Variants in SSH1 observed in about 807,000 individuals in gnomAD.
The protein encoded by SSH1 is protein phosphatase Slingshot homolog 1.
In SSH1, 43 loss-of-function variants were observed where a neutral mutation model predicts 79.7. That is an observed-to-expected ratio of 0.54 (90% CI 0.42 to 0.70). The LOEUF is 0.70. Ranked by LOEUF, SSH1 falls within the 30% of genes least tolerant of loss-of-function variation. SSH1 has a pLI of 0.00. For synonymous variants in SSH1, 599 were observed against 538.3 expected (o/e 1.11, Z -1.56); for missense variants, 1,206 against 1,358.8 (o/e 0.89, Z 1.77).
intron 2 of SSH1, among the ~76,000 whole-genome samples, chr12:108,826,958 G>A (rs894134607): frequency 6.6e-6 from 1 of 151,800 alleles, no homozygotes; most frequent in African/African-American, 2.4e-5. Flanking sequence ...CAGACAAAAC[G>A]GAAATGTCTT....
At position 108,807,953 on chromosome 12, in the gene SSH1, T is replaced by G. The variant is rs2037369861; in HGVS notation, c.537-126A>C. The stretch of plus-strand genomic sequence containing the variant: ...GATTGATTGGTTGATTATTTCTTTT[T>G]GGGACAGAGTCTCGCTCTGTCACTC... On this transcript the variant is annotated intron_variant, in intron 7 of 14. Transcript: ENST00000326495. The surrounding 1 kb of genome is among the most constrained non-coding windows in gnomAD (Gnocchi z 5.2). The G allele has an allele frequency of 1.1e-6, 1 of 880,028 alleles. No individual in the cohort carries two copies. The highest frequency in any genetic ancestry group is 1.6e-5 in the African/African-American group (1 of 60,758). The allele number at this position is 880,028 out of a possible 1,614,324, so 54.5% of individuals were successfully genotyped here.
chr12:108,788,842 G>A lies in SSH1; in HGVS notation c.2296C>T (p.Pro766Ser), dbSNP rs1374586925. The A allele has an allele frequency of 1.2e-6, 2 of 1,614,078 alleles. No individual in the cohort carries two copies. Among genetic ancestry groups the A allele is most frequent in the East Asian group, 4.5e-5 (2 of 44,896 alleles). ...TTTATTACCACTTCTGTGCTGGGAG[G>A]GTTCTTATCACAGTGAGAATTCTTC... ...LLKNSHCDKN[P>S]PSTEVVIKEE... The change falls in exon 15 of 15, where the codon CCT becomes TCT. Residue 766 changes from proline to serine, a missense_variant. Transcript: ENST00000326495.
Position 108,792,293 on chromosome 12 carries a change from C to T in SSH1, c.1886G>A (p.Gly629Asp). 2 of 1,614,138 alleles carry T rather than the reference C, an allele frequency of 1.2e-6. No homozygotes were observed. The highest frequency in any genetic ancestry group is 1.7e-6 in the Non-Finnish European group (2 of 1,180,004). Residue 629 changes from glycine (G) to aspartate (D), a missense_variant, in exon 14 of 15, where the codon GGC becomes GAC. Gly to Asp is a moderately conservative substitution (Grantham distance 94). Around this residue, in one of 5 missense-constraint regions of SSH1, gnomAD observed 709 missense variants for 730.6 expected, o/e 0.97. Coordinates refer to ENST00000326495, the MANE Select transcript of SSH1 (RefSeq NM_018984.4). The stretch of plus-strand genomic sequence containing the variant: ...AGGCCGGGCTCTGCCTACCTCCATG[C>T]CGTTGGGACAGCTCCTCTTGCTGTT... ...NNNSKRSCPN[G>D]MEDDAIFGIL...
chr12:108,800,107 C>T (rs1324982140), intron 12 of SSH1, among the ~76,000 whole-genome samples: 1 of 152,204 alleles, frequency 6.6e-6, no homozygotes. Flanking sequence ...AAGGACACAT[C>T]ATGTGGCTTT....
At chr12:108,849,051 C>T (rs577233724) in intron 2 of SSH1, among the ~76,000 whole-genome samples, 1 of 152,274 alleles carries the variant, frequency 6.6e-6, no homozygotes, top group Non-Finnish European at 1.5e-5. Context: ...CCCAGAAAGG[C>T]GGCAGAGTAG....
At chr12:108,834,891 G>T (rs539079134) in intron 2 of SSH1, among the ~76,000 whole-genome samples, 28 of 152,326 alleles carry the variant, frequency 1.8e-4, no homozygotes, top group African/African-American at 6.0e-4. Context: ...CTTCTCTGAA[G>T]TCAGTATTCC....
intron 2 of SSH1, among the ~76,000 whole-genome samples, chr12:108,829,536 G>T (rs1438314528): frequency 6.6e-6 from 1 of 152,172 alleles, no homozygotes; most frequent in African/African-American, 2.4e-5. Flanking sequence ...GCTCTGATAA[G>T]GGCAAAGACA....
At chr12:108,840,088 T>C (rs2038739114) in intron 2 of SSH1, among the ~76,000 whole-genome samples, 2 of 152,178 alleles carry the variant, frequency 1.3e-5, no homozygotes, top group Non-Finnish European at 2.9e-5. Flanking sequence ...GGCAGTCTCT[T>C]GTATCTCACT....
At chr12:108,795,987 G>A (rs1027851038) in intron 13 of SSH1, among the ~76,000 whole-genome samples, 5 of 151,952 alleles carry the variant, frequency 3.3e-5, no homozygotes, top group African/African-American at 7.3e-5. Context: ...GGCTCACTGC[G>A]GTCTTGAACT....
At chr12:108,798,321 C>T (rs1345014885) in intron 13 of SSH1, among the ~76,000 whole-genome samples, 2 of 152,236 alleles carry the variant, frequency 1.3e-5, no homozygotes, top group Non-Finnish European at 2.9e-5. Context: ...GGCCACCACA[C>T]CTGACCTCAG....
At position 108,840,589 on chromosome 12, in the gene SSH1, A is replaced by T. The variant is rs377546917; in HGVS notation, c.110+12049T>A. ...CTGGATTTTGATTAATCCTATTTTG[A>T]TTAATCCTGGTTTCTCATTTTCAGC... is the stretch of plus-strand genomic sequence containing the variant. On this transcript the variant is annotated intron_variant, in intron 2 of 14. Transcript: ENST00000326495. Among the ~76,000 whole-genome samples, 15 of 152,184 alleles carry T rather than the reference A, an allele frequency of 9.9e-5. No individual in the cohort carries two copies. The South Asian group carries it at 2.5e-3, about 25-fold the overall frequency.
intron 3 of SSH1, 21 bp from the exon 4 acceptor site, chr12:108,818,334 G>C: frequency 6.2e-7 from 1 of 1,610,618 alleles, no homozygotes; most frequent in Non-Finnish European, 8.5e-7. Flanking sequence ...AATAAAGAAA[G>C]CTTTAAAAGG....
intron 2 of SSH1, among the ~76,000 whole-genome samples, chr12:108,836,470 G>C (rs1566013330): frequency 6.6e-6 from 1 of 152,184 alleles, no homozygotes; most frequent in African/African-American, 2.4e-5. Context: ...AGCACTTAAA[G>C]AATGATGTGG....
intron 2 of SSH1, chr12:108,833,966 T>C (rs1320099860): frequency 6.6e-6 from 1 of 152,196 alleles, no homozygotes; most frequent in African/African-American, 2.4e-5. Flanking sequence ...TGACATTCTT[T>C]CCCAGCCCCA....
intron 2 of SSH1, chr12:108,836,891 T>C (rs776344594): frequency 2.6e-5 from 14 of 533,420 alleles, no homozygotes; most frequent in Non-Finnish European, 2.7e-5. Flanking sequence ...TCAGACACAC[T>C]CACACTGAGG....
In SSH1 at chr12:108,807,892, G is replaced by A; in HGVS notation, c.537-65C>T. ...CAAGAGATGCAGGGTTTTCTCCTCT[G>A]ACAAAGGGGTTCAAATACGGGAAGG... On this transcript the variant is annotated intron_variant, in intron 7 of 14. Coordinates refer to ENST00000326495, the MANE Select transcript of SSH1 (RefSeq NM_018984.4). This position sits in a 1 kb window ranked among gnomAD's most constrained non-coding sequence, Gnocchi z 5.2. 6.9e-7 allele frequency: 1 copy of A among 1,459,034 alleles called. No individual in the cohort carries two copies. The highest frequency in any genetic ancestry group is 9.6e-7 in the Non-Finnish European group (1 of 1,045,004). The allele number at this position is 1,459,034 out of a possible 1,614,324, so 90.4% of individuals were successfully genotyped here. A position where few individuals can be genotyped will look rare whatever the true frequency, so the allele number is the denominator to read the frequency against.
intron 13 of SSH1, among the ~76,000 whole-genome samples, chr12:108,797,488 G>A (rs940782038): frequency 3.3e-5 from 5 of 152,172 alleles, no homozygotes; most frequent in African/African-American, 1.2e-4. Flanking sequence ...GGCTCTTTCT[G>A]AATAATGTCT....
chr12:108,811,203 C>T (rs574865182), intron 6 of SSH1, 57 bp downstream of exon 6: 93 of 1,513,554 alleles, frequency 6.1e-5, no homozygotes, highest in South Asian at 1.2e-4. Context: ...TGAACCAGCT[C>T]GTGTTTTCAA....
intron 13 of SSH1, among the ~76,000 whole-genome samples, chr12:108,794,139 G>A (rs4964758): frequency 0.25 from 37,715 of 152,180 alleles, 5,886 homozygotes; most frequent in South Asian, 0.45. Context: ...TCCCAAACTT[G>A]GCCAAGAGGC....
Sources: allele counts gnomAD v4.1 joint callset (sites outside exome capture counted in the v4.1 genomes callset), GRCh38; gene constraint gnomAD v4.1.1; regional missense constraint gnomAD v4.1.1; non-coding constraint Gnocchi (gnomAD v3.1); transcripts MANE v1.5; gene names NCBI Gene and HGNC (gene_info 2026-07-23, HGNC 2026-07-21).